Variants in SLC2A13 observed in about 807,000 individuals in gnomAD.
SLC2A13 encodes the protein proton myo-inositol cotransporter.
A neutral mutation model predicts 64.4 loss-of-function variants in SLC2A13; 32 were observed. That is an observed-to-expected ratio of 0.50 (90% CI 0.37 to 0.67). The LOEUF (loss-of-function observed/expected upper bound fraction) is 0.67, where lower values mean the gene tolerates loss of function less well. Ranked by LOEUF, SLC2A13 falls within the 30% of genes least tolerant of loss-of-function variation. The pLI is 0.00. For missense variants in SLC2A13, 743 were observed against 829.2 expected, an observed-to-expected ratio of 0.90 and a Z score of 1.28; for synonymous variants, 338 against 327.1, an observed-to-expected ratio of 1.03 and a Z score of -0.36.
At chr12:39,783,252 T>C (rs573184691) in intron 7 of SLC2A13, among the ~76,000 whole-genome samples, 134 of 152,248 alleles carry the variant, frequency 8.8e-4, no homozygotes, top group Non-Finnish European at 1.7e-3. Flanking sequence ...TGCCACATTT[T>C]CTTAATTCAC....
intron 6 of SLC2A13, among the ~76,000 whole-genome samples, chr12:39,863,335 A>G (rs1943812812): frequency 2.6e-5 from 4 of 152,160 alleles, no homozygotes; most frequent in Admixed American, 2.6e-4. Context: ...CTATTTCATT[A>G]TGTAAATCAC....
chr12:39,980,011 C>A (rs1946858237), intron 3 of SLC2A13, among the ~76,000 whole-genome samples: 3 of 151,250 alleles, frequency 2.0e-5, no homozygotes, highest in South Asian at 4.2e-4. Flanking sequence ...AGAGTGAGGG[C>A]CAATATTCAA....
At chr12:40,048,410 A>G (rs1348337412) in intron 1 of SLC2A13, among the ~76,000 whole-genome samples, 200 bp from the exon 2 acceptor site, 1 of 152,140 alleles carries the variant, frequency 6.6e-6, no homozygotes. Flanking sequence ...GTGAGATATC[A>G]TTTTTCTTAT....
At chr12:39,787,654 T>G (rs950814703) in intron 7 of SLC2A13, among the ~76,000 whole-genome samples, 1 of 152,318 alleles carries the variant, frequency 6.6e-6, no homozygotes, top group Non-Finnish European at 1.5e-5. Flanking sequence ...TATTCAGTAA[T>G]GTAAGCATTA....
At chr12:39,913,630 T>C (rs181057843) in intron 4 of SLC2A13, among the ~76,000 whole-genome samples, 20 of 151,866 alleles carry the variant, frequency 1.3e-4, no homozygotes, top group Admixed American at 1.2e-3. Context: ...ATTTAAATAG[T>C]ACAGTAAGCA....
chr12:39,845,182 T>C (rs979821711), intron 6 of SLC2A13, among the ~76,000 whole-genome samples: 1 of 152,026 alleles, frequency 6.6e-6, no homozygotes, highest in Non-Finnish European at 1.5e-5. Context: ...TATGTTGATA[T>C]AAAATATAGG....
intron 4 of SLC2A13, among the ~76,000 whole-genome samples, chr12:39,905,074 T>C (rs772528566): frequency 1.3e-5 from 2 of 152,168 alleles, no homozygotes; most frequent in Non-Finnish European, 1.5e-5. Flanking sequence ...TGCACAAATA[T>C]GCCCACAGAA....
At chr12:40,064,995 G>GT (rs1159859956) in intron 1 of SLC2A13, among the ~76,000 whole-genome samples, 1 of 152,036 alleles carries the variant, frequency 6.6e-6, no homozygotes, top group Non-Finnish European at 1.5e-5. Context: ...AACAATCCCA[G>GT]TTTTTTTATT....
chr12:40,002,276 A>C (rs1947332520), intron 3 of SLC2A13, among the ~76,000 whole-genome samples: 1 of 152,200 alleles, frequency 6.6e-6, no homozygotes, highest in Non-Finnish European at 1.5e-5. Context: ...TACTCATTTT[A>C]CAAATGAAGA....
At chr12:40,018,213 C>T (rs1005100115) in intron 3 of SLC2A13, among the ~76,000 whole-genome samples, 1 of 152,102 alleles carries the variant, frequency 6.6e-6, no homozygotes, top group East Asian at 1.9e-4. Flanking sequence ...TGGAAGAAAT[C>T]CACACTCCTT....
chr12:39,846,192 A>C (rs1943306994), intron 6 of SLC2A13, among the ~76,000 whole-genome samples: 1 of 152,090 alleles, frequency 6.6e-6, no homozygotes, highest in African/African-American at 2.4e-5. Context: ...GCTCTAGAAA[A>C]ACCAAGGTGG....
chr12:40,055,737 C>A (rs1034350808), intron 1 of SLC2A13, among the ~76,000 whole-genome samples: 1 of 151,914 alleles, frequency 6.6e-6, no homozygotes, highest in Non-Finnish European at 1.5e-5. Context: ...GAATAAAAAT[C>A]GCCTCTAATC....
chr12:39,805,339 G>C (rs184503350), intron 7 of SLC2A13, among the ~76,000 whole-genome samples: 3 of 152,278 alleles, frequency 2.0e-5, no homozygotes, highest in Admixed American at 6.5e-5. Context: ...CTGATGCTGG[G>C]ACACCAGTTA....
chr12:39,785,333 A>G (rs1393879699), intron 7 of SLC2A13, among the ~76,000 whole-genome samples: 1 of 152,214 alleles, frequency 6.6e-6, no homozygotes, highest in Non-Finnish European at 1.5e-5. Context: ...CTGTGGCTTC[A>G]GAGAGTGGAA....
At chr12:39,890,678 C>T (rs1322171541) in intron 4 of SLC2A13, among the ~76,000 whole-genome samples, 3 of 151,860 alleles carry the variant, frequency 2.0e-5, no homozygotes, top group South Asian at 2.1e-4. Context: ...TGAAACATCA[C>T]GTTGTACTCC....
chr12:39,940,308 C>A (rs1200119184), intron 4 of SLC2A13, among the ~76,000 whole-genome samples: 1 of 151,666 alleles, frequency 6.6e-6, no homozygotes, highest in Non-Finnish European at 1.5e-5. Flanking sequence ...AGTGTACAAA[C>A]CCTTATTGTT....
intron 1 of SLC2A13, among the ~76,000 whole-genome samples, chr12:40,076,736 C>T (rs1022716833): frequency 5.3e-5 from 8 of 152,158 alleles, no homozygotes; most frequent in African/African-American, 1.7e-4. Flanking sequence ...ATGCTTTCCA[C>T]GGTGGTTGAA....
intron 9 of SLC2A13, among the ~76,000 whole-genome samples, chr12:39,763,017 C>T (rs1339665379): frequency 6.6e-6 from 1 of 151,958 alleles, no homozygotes; most frequent in African/African-American, 2.4e-5. Flanking sequence ...CTATGCCTTT[C>T]TATGAAAAAT....
intron 3 of SLC2A13, among the ~76,000 whole-genome samples, chr12:40,027,945 A>T (rs753758665): frequency 1.3e-5 from 2 of 152,216 alleles, no homozygotes; most frequent in Non-Finnish European, 2.9e-5. Flanking sequence ...ATAGACAATG[A>T]ATTAAATATT....
Sources: allele counts gnomAD v4.1 joint callset (sites outside exome capture counted in the v4.1 genomes callset), GRCh38; gene constraint gnomAD v4.1.1; transcripts MANE v1.5; gene names NCBI Gene and HGNC (gene_info 2026-07-23, HGNC 2026-07-21).